Variants in RTL4 observed in about 807,000 individuals in gnomAD.
RTL4 encodes the protein retrotransposon Gag-like protein 4.
RTL4 carries 4 observed loss-of-function variants against 5.3 expected under a neutral mutation model. The observed-to-expected ratio is 0.75, with a 90% CI of 0.37 to 1.72. RTL4 has a LOEUF of 1.72. Ranked by LOEUF, RTL4 falls within the 40% of genes most tolerant of loss-of-function variation. RTL4 has a pLI of 0.04. For missense variants in RTL4, 260 were observed against 227.1 expected, an observed-to-expected ratio of 1.14 and a Z score of -0.93; for synonymous variants, 98 against 87.3, an observed-to-expected ratio of 1.12 and a Z score of -0.68.
the RTL4 span, among the ~76,000 whole-genome samples, chrX:112,255,833 C>T: frequency 8.9e-6 from 1 of 112,005 alleles, no homozygotes; most frequent in African/African-American, 3.2e-5. Context: ...CCTGGATACT[C>T]TCTCTAGATG....
the RTL4 span, among the ~76,000 whole-genome samples, chrX:112,430,452 G>A: frequency 2.7e-5 from 3 of 111,236 alleles, no homozygotes; most frequent in East Asian, 2.8e-4. Flanking sequence ...GTTCTTGAAC[G>A]TTACCTGCTT....
the RTL4 span, among the ~76,000 whole-genome samples, chrX:112,253,774 G>T: frequency 3.6e-5 from 4 of 112,066 alleles, no homozygotes; most frequent in Non-Finnish European, 7.5e-5. Flanking sequence ...TTCTAGGTTT[G>T]GCCTGCCCAG....
chrX:112,430,204 A>G, the RTL4 span, among the ~76,000 whole-genome samples: 8 of 107,887 alleles, frequency 7.4e-5, no homozygotes, highest in Non-Finnish European at 1.2e-4. Context: ...TCATTTTCCC[A>G]CAGTTTTTGG....
At chrX:112,257,315 A>G in the RTL4 span, among the ~76,000 whole-genome samples, 2 of 111,522 alleles carry the variant, frequency 1.8e-5, no homozygotes, top group African/African-American at 3.3e-5. Flanking sequence ...AGATATATCA[A>G]ACTTGGCCAT....
the RTL4 span, among the ~76,000 whole-genome samples, chrX:112,361,435 G>A: frequency 9.0e-6 from 1 of 110,953 alleles, no homozygotes; most frequent in Non-Finnish European, 1.9e-5. Flanking sequence ...TTACTTGTTG[G>A]TTTTAATCTC....
At chrX:112,138,460 G>C in the RTL4 span, among the ~76,000 whole-genome samples, 50 of 111,614 alleles carry the variant, frequency 4.5e-4, no homozygotes, top group Non-Finnish European at 8.7e-4. Context: ...GGAGGTGATA[G>C]ATACGTTTAT....
At chrX:112,090,162 A>G in the RTL4 span, among the ~76,000 whole-genome samples, 2 of 109,624 alleles carry the variant, frequency 1.8e-5, no homozygotes, top group African/African-American at 3.3e-5. Context: ...ATAAGACCAT[A>G]TATATATATA....
chrX:112,286,637 A>G, the RTL4 span, among the ~76,000 whole-genome samples: 3 of 111,242 alleles, frequency 2.7e-5, no homozygotes, highest in South Asian at 3.8e-4. Flanking sequence ...GGATTTGTCT[A>G]TCTAAGGGAA....
chrX:112,319,716 G>A, the RTL4 span, among the ~76,000 whole-genome samples: 1 of 111,222 alleles, frequency 9.0e-6, no homozygotes, highest in East Asian at 2.8e-4. Flanking sequence ...CTGCTCTAAG[G>A]ATTTGTATAA....
At chrX:112,224,305 CATTTATTTATTTATTTATTT>C in the RTL4 span, among the ~76,000 whole-genome samples, 60 of 90,752 alleles carry the variant, frequency 6.6e-4, no homozygotes, top group African/African-American at 1.8e-3. Context: ...CTTCCAGATA[CATTTATTTATTTATTTATTT>C]ATTTATTTAT....
At chrX:112,178,735 A>C in the RTL4 span, among the ~76,000 whole-genome samples, 1 of 111,089 alleles carries the variant, frequency 9.0e-6, no homozygotes, top group African/African-American at 3.3e-5. Context: ...TAACTCCTAT[A>C]TTGCTTCCCT....
chrX:112,133,850 A>G, the RTL4 span, among the ~76,000 whole-genome samples: 2 of 112,079 alleles, frequency 1.8e-5, no homozygotes, highest in South Asian at 3.7e-4. Flanking sequence ...TTATTGATCT[A>G]TATAGTTTTA....
chrX:112,217,294 A>G, the RTL4 span, among the ~76,000 whole-genome samples: 1,008 of 111,868 alleles, frequency 9.0e-3, 6 homozygotes, highest in African/African-American at 0.031. Flanking sequence ...CCCCAAATCA[A>G]CTGGGCACAT....
chrX:112,259,542 C>T, the RTL4 span, among the ~76,000 whole-genome samples: 10 of 109,676 alleles, frequency 9.1e-5, no homozygotes, highest in Non-Finnish European at 1.9e-4. Context: ...ATGGCAAAAA[C>T]CGCAATTACT....
chrX:112,113,383 C>T, the RTL4 span, among the ~76,000 whole-genome samples: 6 of 111,415 alleles, frequency 5.4e-5, no homozygotes, highest in Non-Finnish European at 1.1e-4. Flanking sequence ...ATGAGAAAGG[C>T]ATGTGAAAAG....
chrX:112,279,407 T>A, the RTL4 span, among the ~76,000 whole-genome samples: 409 of 111,256 alleles, frequency 3.7e-3, 3 homozygotes, highest in African/African-American at 0.013. Flanking sequence ...CAAAAGAAAA[T>A]GGAGCCATGT....
At chrX:112,284,851 C>T in the RTL4 span, among the ~76,000 whole-genome samples, 1 of 111,675 alleles carries the variant, frequency 9.0e-6, no homozygotes, top group East Asian at 2.8e-4. Flanking sequence ...CCCAGAGACG[C>T]TCTAGAGCCT....
At chrX:112,348,986 C>T in the RTL4 span, among the ~76,000 whole-genome samples, 2 of 110,306 alleles carry the variant, frequency 1.8e-5, no homozygotes, top group Admixed American at 1.9e-4. Context: ...TCACAACATG[C>T]TGTACATAAT....
At chrX:112,176,890 T>A in the RTL4 span, among the ~76,000 whole-genome samples, 35 of 111,252 alleles carry the variant, frequency 3.1e-4, no homozygotes, top group African/African-American at 1.1e-3. Context: ...TGAGATCCAC[T>A]TTTTTAGCTC....
Sources: gnomAD v4.1 joint callset for allele counts (sites outside exome capture counted in the v4.1 genomes callset) on GRCh38, gnomAD v4.1.1 for gene constraint, MANE v1.5 for transcripts, NCBI Gene and HGNC (gene_info 2026-07-23, HGNC 2026-07-21) for gene names.